RETSAT: variants seen among roughly 807,000 people sequenced by gnomAD.
RETSAT encodes retinol saturase, also known as all-trans-retinol 13,14-reductase.
A neutral mutation model predicts 61.6 loss-of-function variants in RETSAT; 35 were observed. The ratio of observed to expected loss-of-function variants is 0.57; its 90% CI spans 0.43 to 0.75. RETSAT has a LOEUF of 0.75. Among genes scored for constraint, RETSAT ranks in the 30% least tolerant of loss-of-function variants. The probability of loss-of-function intolerance (pLI) is 0.00; values close to 1 mark genes in which losing one functional copy is unlikely to be tolerated. For missense variants in RETSAT, 670 were observed against 759.5 expected (o/e 0.88, Z 1.38); for synonymous variants, 277 against 310.4 (o/e 0.89, Z 1.13).
At position 85,344,614 on chromosome 2, in the gene RETSAT, A is replaced by G. The variant is rs747874775; in HGVS notation, c.1236T>C (p.Tyr412=). The G allele has an allele frequency of 1.2e-6, 2 of 1,614,146 alleles. No homozygotes were observed. Among genetic ancestry groups the G allele is most frequent in the East Asian group, 2.2e-5 (1 of 44,864 alleles). ...HLPSTNYYVY[Y]DTDMDQAMER... The stretch of plus-strand genomic sequence containing the variant: ...CTTACGCCTGGTCCATGTCCGTGTC[A>G]TAGTAAACATAGTAGTTGGTGGACG... The change falls in exon 7 of 11, where the codon TAT becomes TAC. Residue 412 remains tyrosine (Y), a synonymous_variant. Transcript: ENST00000295802.
Position 85,344,560 on chromosome 2 carries a change from G to A in RETSAT, c.1256+34C>T, listed in dbSNP as rs748712466. ...TTCTCTGAGTCAAGCAGGGAGGCAC[G>A]GGCCACACACATACACACACACGTG... On this transcript the variant is annotated intron_variant, in intron 7 of 10. Coordinates refer to ENST00000295802, the MANE Select transcript of RETSAT (RefSeq NM_017750.4). 9.3e-6 allele frequency: 15 copies of A among 1,607,464 alleles called. No individual in the cohort carries two copies. In the East Asian group the frequency reaches 1.1e-4, roughly 12 times the overall value.
intron 5 of RETSAT, among the ~76,000 whole-genome samples, chr2:85,349,063 T>TTTTTTTG (rs1683255097): frequency 6.6e-6 from 1 of 151,710 alleles, no homozygotes; most frequent in African/African-American, 2.4e-5. Flanking sequence ...TTTTGTTTTT[T>TTTTTTTG]TTTTTTTAAA....
At chr2:85,353,307 G>C (rs1467035570) in intron 1 of RETSAT, among the ~76,000 whole-genome samples, 3 of 152,210 alleles carry the variant, frequency 2.0e-5, no homozygotes, top group Non-Finnish European at 4.4e-5. Context: ...ACAAAAATTA[G>C]CTGGGCATGC....
intron 1 of RETSAT, among the ~76,000 whole-genome samples, chr2:85,352,069 T>G (rs1251451047): frequency 1.3e-5 from 2 of 152,142 alleles, no homozygotes; most frequent in Non-Finnish European, 2.9e-5. Context: ...TGCTTATTTG[T>G]TTTTTGAGAC....
Position 85,342,981 on chromosome 2 carries a change from A to G in RETSAT, c.*261T>C, listed in dbSNP as rs1683113122. On this transcript the variant is annotated 3_prime_UTR_variant, in exon 11 of 11. Coordinates refer to ENST00000295802, the MANE Select transcript of RETSAT (RefSeq NM_017750.4). The stretch of plus-strand genomic sequence containing the variant: ...TGCAGAGCGCCGCTCGTCATGAGAC[A>G]TCAAGCTATCCAAGTCAATATCCTA... The G allele has an allele frequency of 2.6e-6, 1 of 377,932 alleles. No individual in the cohort carries two copies. Among genetic ancestry groups the G allele is most frequent in the African/African-American group, 2.0e-5 (1 of 49,352 alleles). The allele number at this position is 377,932 out of a possible 1,614,324, so 23.4% of individuals were successfully genotyped here. A position where few individuals can be genotyped will look rare whatever the true frequency, so the allele number is the denominator to read the frequency against.
At chr2:85,349,695 T>A (rs1683266876) in intron 4 of RETSAT, 114 bp from the exon 5 acceptor site, 2 of 930,512 alleles carry the variant, frequency 2.1e-6, no homozygotes. Context: ...AGGAACCACA[T>A]GTTCCTCAGG....
intron 1 of RETSAT, among the ~76,000 whole-genome samples, chr2:85,352,633 C>T (rs909366692): frequency 6.6e-6 from 1 of 152,190 alleles, no homozygotes; most frequent in Admixed American, 6.5e-5. Context: ...CCACCCACCT[C>T]GGCCTCCCAA....
At chr2:85,346,181 T>G in intron 5 of RETSAT, 87 bp from the exon 6 acceptor site, 3 of 1,522,720 alleles carry the variant, frequency 2.0e-6, no homozygotes, top group Non-Finnish European at 2.6e-6. Context: ...TCTCTGCCTG[T>G]GCCCATTTCT....
In RETSAT at chr2:85,349,059, T is replaced by G. The variant is rs920075616; in HGVS notation, c.997+325A>C. 4.8e-5 allele frequency among the ~76,000 whole-genome samples: 7 copies of G among 145,014 alleles called. 1 individual carries two copies. Among genetic ancestry groups the G allele is most frequent in the Non-Finnish European group, 7.5e-5 (5 of 66,862 alleles). On this transcript the variant is annotated intron_variant, in intron 5 of 10. Transcript: ENST00000295802. Reference sequence around the variant, plus strand: ...CCACCATGCCCGGCCATATTTTTGTTTTTTTTTTTTTAAAGAGACAGGGTT... The same window carrying G: ...CCACCATGCCCGGCCATATTTTTGTGTTTTTTTTTTTAAAGAGACAGGGTT...
At position 85,343,678 on chromosome 2, in the gene RETSAT, A is replaced by G. The variant is rs1332071909; in HGVS notation, c.1654T>C (p.Leu552=). ...TTGGGGATGGGGCTCTGGGCCCTCA[A>G]GGAGGCCATCACACAAGGGTGCAGG... ...GRLHPCVMAS[L]RAQSPIPNLY... Residue 552 remains leucine, a synonymous_variant, in exon 10 of 11, where the codon TTG becomes CTG. Transcript: ENST00000295802. The G allele has an allele frequency of 1.2e-6, 2 of 1,601,336 alleles. No homozygotes were observed. Among genetic ancestry groups the G allele is most frequent in the Non-Finnish European group, 1.7e-6 (2 of 1,175,884 alleles).
intron 1 of RETSAT, among the ~76,000 whole-genome samples, chr2:85,352,828 G>A (rs1043313179): frequency 1.3e-5 from 2 of 152,190 alleles, no homozygotes; most frequent in African/African-American, 2.4e-5. Flanking sequence ...CACAGCACCA[G>A]CCCCTCCCAT....
chr2:85,351,142 C>T, intron 2 of RETSAT, 121 bp from the exon 3 acceptor site: 1 of 1,184,074 alleles, frequency 8.4e-7, no homozygotes, highest in Non-Finnish European at 1.2e-6. Flanking sequence ...CCAGAGTGAG[C>T]TGCTCACTCT....
Position 85,342,978 on chromosome 2 carries a change from G to C in RETSAT, c.*264C>G, listed in dbSNP as rs1683113096. On this transcript the variant is annotated 3_prime_UTR_variant, in exon 11 of 11. Coordinates refer to ENST00000295802, the MANE Select transcript of RETSAT (RefSeq NM_017750.4). ...GGATGCAGAGCGCCGCTCGTCATGAGACATCAAGCTATCCAAGTCAATATC... is the reference window on the plus strand; with the variant it reads ...GGATGCAGAGCGCCGCTCGTCATGACACATCAAGCTATCCAAGTCAATATC... 2.7e-6 allele frequency: 1 copy of C among 371,082 alleles called. No homozygotes were observed. The highest frequency in any genetic ancestry group is 3.9e-5 in the Admixed American group (1 of 25,954). 23.0% of individuals were successfully genotyped at this position (371,082 alleles called of 1,614,324 possible).
Position 85,343,772 on chromosome 2 carries a change from T to A in RETSAT, c.1560A>T (p.Pro520=), listed in dbSNP as rs2104432055. 6.2e-7 allele frequency: 1 copy of A among 1,613,740 alleles called. No individual in the cohort carries two copies. The highest frequency in any genetic ancestry group is 8.5e-7 in the Non-Finnish European group (1 of 1,179,802). ...CAGCCAGATAGAACTGGTTGGTGAG[T>A]GGGGATCCTGCAGTCACACTCTCCA... ...GKVESVTAGS[P]LTNQFYLAAP... Residue 520 remains proline, a synonymous_variant, in exon 10 of 11, where the codon CCA becomes CCT. Transcript: ENST00000295802.
chr2:85,349,933 A>G (rs947492975), intron 4 of RETSAT, 107 bp downstream of exon 4: 3 of 1,109,708 alleles, frequency 2.7e-6, no homozygotes, highest in African/African-American at 3.1e-5. Context: ...TGGGGTTTAC[A>G]CTGCTCCATA....
At chr2:85,346,620 G>C (rs74540864) in intron 5 of RETSAT, among the ~76,000 whole-genome samples, 1 of 152,016 alleles carries the variant, frequency 6.6e-6, no homozygotes, top group South Asian at 2.1e-4. Context: ...AAATTAAGCT[G>C]TATGGAGTTG....
chr2:85,349,466 AG>A lies in RETSAT; in HGVS notation c.914del (p.Pro305LeufsTer2). On this transcript the variant is annotated frameshift_variant, in exon 5 of 11. Coordinates refer to ENST00000295802, the MANE Select transcript of RETSAT (RefSeq NM_017750.4). LOFTEE classifies it high-confidence loss of function. ...GSSEIAFHTI[P>X]VIQRAGGAVL... ...CAGCGCCCCCAGCCCGCTGAATCAC[AG>A]GGATGGTGTGGAAGGCAATTTCACT... 2 of 1,614,150 alleles carry A rather than the reference AG, an allele frequency of 1.2e-6. No individual in the cohort carries two copies. Among genetic ancestry groups the A allele is most frequent in the Non-Finnish European group, 1.7e-6 (2 of 1,180,018 alleles).
intron 6 of RETSAT, 23 bp from the exon 7 acceptor site, chr2:85,344,755 C>T: frequency 6.2e-7 from 1 of 1,611,040 alleles, no homozygotes; most frequent in Non-Finnish European, 8.5e-7. Context: ...GTGGTTGGTG[C>T]CTGTGTGGAC....
chr2:85,345,874 G>A (rs750204041), intron 6 of RETSAT, 101 bp downstream of exon 6: 15 of 1,471,994 alleles, frequency 1.0e-5, no homozygotes, highest in South Asian at 3.4e-5. Context: ...TCAGAGGGCC[G>A]GCCAAGAAGA....
Sources: gnomAD v4.1 joint callset for allele counts (sites outside exome capture counted in the v4.1 genomes callset) on GRCh38, gnomAD v4.1.1 for gene constraint, MANE v1.5 for transcripts, NCBI Gene and HGNC (gene_info 2026-07-23, HGNC 2026-07-21) for gene names.